The following CCDC12 variants were observed in gnomAD, a reference collection of about 807,000 sequenced individuals.
CCDC12 encodes the protein coiled-coil domain-containing protein 12.
A neutral mutation model predicts 25.7 loss-of-function variants in CCDC12; 28 were observed. The observed-to-expected ratio is 1.09, with a 90% CI of 0.81 to 1.50. The LOEUF (loss-of-function observed/expected upper bound fraction) is 1.50. CCDC12 is among the 40% of genes most tolerant of loss of function. The pLI, the probability that CCDC12 is intolerant of heterozygous loss-of-function variation, is 0.00. For synonymous variants in CCDC12, 75 were observed against 87.7 expected, an observed-to-expected ratio of 0.86 and a Z score of 0.81; for missense variants, 198 against 210.0, an observed-to-expected ratio of 0.94 and a Z score of 0.35.
intron 1 of CCDC12, among the ~76,000 whole-genome samples, chr3:46,949,135 G>A (rs1392719039): frequency 6.6e-6 from 1 of 152,184 alleles, no homozygotes; most frequent in Non-Finnish European, 1.5e-5. Flanking sequence ...GATTCTCAAG[G>A]GGGTGGTGAC....
chr3:46,955,880 C>T (rs2107170816), intron 1 of CCDC12, among the ~76,000 whole-genome samples: 1 of 152,358 alleles, frequency 6.6e-6, no homozygotes, highest in South Asian at 2.1e-4. Context: ...CCATGTGGTA[C>T]TTGCTCATCT....
intron 1 of CCDC12, among the ~76,000 whole-genome samples, chr3:46,969,842 T>C (rs2034750654): frequency 1.3e-5 from 2 of 151,696 alleles, no homozygotes; most frequent in Admixed American, 1.3e-4. Context: ...CAATCACGAG[T>C]CAAGTGTGGC....
chr3:46,950,908 G>A (rs1463312268), intron 1 of CCDC12, among the ~76,000 whole-genome samples: 1 of 152,138 alleles, frequency 6.6e-6, no homozygotes, highest in Non-Finnish European at 1.5e-5. Flanking sequence ...GGCTCAGAAA[G>A]ACAAATACTG....
chr3:46,941,256 C>T (rs2033690631), intron 1 of CCDC12, among the ~76,000 whole-genome samples, 191 bp from the exon 2 acceptor site: 1 of 152,290 alleles, frequency 6.6e-6, no homozygotes, highest in South Asian at 2.1e-4. Context: ...ATTGCCTGTG[C>T]AGAATTTAAA....
At chr3:46,965,826 A>C (rs949434804) in intron 1 of CCDC12, among the ~76,000 whole-genome samples, 1 of 152,220 alleles carries the variant, frequency 6.6e-6, no homozygotes, top group Non-Finnish European at 1.5e-5. Flanking sequence ...GCCCTCAACC[A>C]GAGGTAAAAT....
At chr3:46,969,033 G>A (rs1306810452) in intron 1 of CCDC12, among the ~76,000 whole-genome samples, 1 of 152,224 alleles carries the variant, frequency 6.6e-6, no homozygotes, top group Non-Finnish European at 1.5e-5. Context: ...TTTGCAACCA[G>A]GCTGCTGGGC....
intron 1 of CCDC12, among the ~76,000 whole-genome samples, chr3:46,943,543 A>G (rs2107143543): frequency 6.6e-6 from 1 of 152,362 alleles, no homozygotes; most frequent in East Asian, 1.9e-4. Context: ...ACCACCTGGC[A>G]GAAGTAGGTG....
chr3:46,936,306 C>T (rs1354564902), intron 2 of CCDC12, among the ~76,000 whole-genome samples: 1 of 152,196 alleles, frequency 6.6e-6, no homozygotes, highest in East Asian at 1.9e-4. Context: ...CCTCACATTT[C>T]CCCCAACTGT....
intron 1 of CCDC12, among the ~76,000 whole-genome samples, chr3:46,949,465 TG>T (rs1271841683): frequency 6.6e-6 from 1 of 152,182 alleles, no homozygotes; most frequent in Admixed American, 6.5e-5. Flanking sequence ...CGAGTTCCTC[TG>T]GGAAGTCTGG....
chr3:46,936,647 C>G (rs967754135), intron 2 of CCDC12, among the ~76,000 whole-genome samples: 6 of 152,206 alleles, frequency 3.9e-5, no homozygotes, highest in African/African-American at 1.4e-4. Context: ...TGTCTATGTC[C>G]TTTCATTTCA....
intron 2 of CCDC12, among the ~76,000 whole-genome samples, chr3:46,926,738 G>A (rs1049263249): frequency 3.9e-5 from 6 of 152,130 alleles, no homozygotes; most frequent in East Asian, 1.9e-4. Flanking sequence ...CTCAGATGCT[G>A]GCCAGGTGAG....
At chr3:46,925,363 T>G (rs746696812) in intron 3 of CCDC12, 93 bp downstream of exon 3, 1 of 1,047,794 alleles carries the variant, frequency 9.5e-7, no homozygotes, top group Non-Finnish European at 1.5e-6. Context: ...CCTGTCCTGG[T>G]ACTGCTGGTT....
rs367926661 is a variant in CCDC12 at position 46,957,960 on chromosome 3, T to TACACACACACACACAC, written c.97-16911_97-16896dup. On this transcript the variant is annotated intron_variant, in intron 1 of 6. Coordinates refer to ENST00000683445, the MANE Select transcript of CCDC12 (RefSeq NM_001277074.2). ...TCCATCTCAAAAATAAAAAAATAAA[T>TACACACACACACACAC]ACACACACACACACACACACACACA... Among the ~76,000 whole-genome samples the TACACACACACACACAC allele has an allele frequency of 8.4e-3, 544 of 64,740 alleles. 3 individuals carry two copies. The highest frequency in any genetic ancestry group is 0.021 in the Middle Eastern group (3 of 142). The allele number at this position is 64,740 out of a possible 152,430, so 42.5% of individuals were successfully genotyped here. A position where few individuals can be genotyped will look rare whatever the true frequency, so the allele number is the denominator to read the frequency against.
At chr3:46,978,405 C>T (rs953690224), upstream of CCDC12, among the ~76,000 whole-genome samples, 1 of 152,110 alleles carries the variant, frequency 6.6e-6, no homozygotes, top group Non-Finnish European at 1.5e-5. Flanking sequence ...TAGGAGTCTC[C>T]AGACTGGTCA....
At chr3:46,940,732 T>TA (rs2033667402) in intron 2 of CCDC12, 2 of 492,906 alleles carry the variant, frequency 4.1e-6, no homozygotes, top group Non-Finnish European at 7.3e-6. Context: ...ATGAGAAGGG[T>TA]AAAAAGGCAT....
intron 1 of CCDC12, among the ~76,000 whole-genome samples, chr3:46,951,798 A>AAAAAAAAAAAAAAAAAAAAAT: frequency 2.4e-4 from 2 of 8,476 alleles, no homozygotes; most frequent in Non-Finnish European, 5.6e-4. Flanking sequence ...AAAAAAAAAA[A>AAAAAAAAAAAAAAAAAAAAAT]ATATATATAT....
chr3:46,961,722 G>C (rs750042714), intron 1 of CCDC12, among the ~76,000 whole-genome samples: 5 of 152,244 alleles, frequency 3.3e-5, no homozygotes, highest in Non-Finnish European at 7.3e-5. Context: ...GGACTTAGAA[G>C]CATGAAAAAA....
At chr3:46,934,801 C>T (rs532133028) in intron 2 of CCDC12, among the ~76,000 whole-genome samples, 2 of 152,238 alleles carry the variant, frequency 1.3e-5, no homozygotes, top group Non-Finnish European at 2.9e-5. Flanking sequence ...CTCCACTGCC[C>T]ATGACTGGGA....
intron 2 of CCDC12, among the ~76,000 whole-genome samples, chr3:46,937,573 T>C (rs1398987235): frequency 6.6e-6 from 1 of 152,208 alleles, no homozygotes; most frequent in Non-Finnish European, 1.5e-5. Context: ...CACTTCTTTC[T>C]CTCCAGTGGC....
Sources: allele counts gnomAD v4.1 joint callset (sites outside exome capture counted in the v4.1 genomes callset), GRCh38; gene constraint gnomAD v4.1.1; transcripts MANE v1.5; gene names NCBI Gene and HGNC (gene_info 2026-07-23, HGNC 2026-07-21).